The following KCNV1 variants were observed in gnomAD, a reference collection of about 807,000 sequenced individuals.
The protein encoded by KCNV1 is potassium voltage-gated channel modifier subfamily V member 1, also known as potassium voltage-gated channel subfamily V member 1.
In KCNV1, 2 loss-of-function variants were observed where a neutral mutation model predicts 36.4. The ratio of observed to expected loss-of-function variants is 0.05; its 90% CI spans 0.02 to 0.17. The LOEUF is 0.17. KCNV1 is among the 10% of genes least tolerant of loss of function. The pLI, the probability that KCNV1 is intolerant of heterozygous loss-of-function variation, is 1.00. For synonymous variants in KCNV1, 280 were observed against 261.1 expected, an observed-to-expected ratio of 1.07 and a Z score of -0.70; for missense variants, 321 against 643.6, an observed-to-expected ratio of 0.50 and a Z score of 5.42.
Position 109,972,488 on chromosome 8 carries a change from G to T in KCNV1, c.761C>A (p.Thr254Asn). The change falls in exon 3 of 4, where the codon ACC (threonine) becomes AAC (asparagine). Residue 254 changes from threonine to asparagine, a missense_variant. Thr to Asn is a moderately conservative substitution (Grantham distance 65). This residue lies in a region of KCNV1 where 141 missense variants were observed against 225.0 expected (regional missense o/e 0.63). Transcript: ENST00000524391. The surrounding 1 kb of genome is among the most constrained non-coding windows in gnomAD (Gnocchi z 5.2). Reference protein sequence around the residue: ...ILEYVCISWFTGEFVLRFLCV... With the variant: ...ILEYVCISWFNGEFVLRFLCV... ...CAGGAAGCGGAGGACAAACTCCCCG[G>T]TGAACCAGCTAATGCACACATACTC... 1 of 1,614,174 alleles carries T rather than the reference G, an allele frequency of 6.2e-7. No individual in the cohort carries two copies. The highest frequency in any genetic ancestry group is 1.1e-5 in the South Asian group (1 of 91,082).
At chr8:109,975,535 G>T (rs1229380203) in intron 1 of KCNV1, 84 bp downstream of exon 1, 1 of 152,304 alleles carries the variant, frequency 6.6e-6, no homozygotes, top group African/African-American at 2.4e-5. Flanking sequence ...GTGTACCCAC[G>T]GGGCCCCTGG....
In KCNV1 at chr8:109,967,067, G is replaced by A. The variant is rs1391238053; in HGVS notation, c.*1021C>T. The A allele has an allele frequency of 6.6e-6, 1 of 152,104 alleles. No homozygotes were observed. Among genetic ancestry groups the A allele is most frequent in the African/African-American group, 2.4e-5 (1 of 41,434 alleles). The allele number at this position is 152,104 out of a possible 1,614,324, so 9.4% of individuals were successfully genotyped here. A position where few individuals can be genotyped will look rare whatever the true frequency, so the allele number is the denominator to read the frequency against. On this transcript the variant is annotated 3_prime_UTR_variant, in exon 4 of 4. Coordinates refer to ENST00000524391, the MANE Select transcript of KCNV1 (RefSeq NM_014379.4). ...TGTCTAGGAATTGTGTTGTTATGAT[G>A]AATGTCAAAATGCCTGCAAAGTTTG...
Position 109,974,578 on chromosome 8 carries a change from GGGAGT to G in KCNV1, c.-195_-191del. ...TTCCTCCTCCTGCCGCTAGGGAGCCGGGAGTGCGCGGAAGCAGCGCACAAGTGGCA... is the reference window on the plus strand; with the variant it reads ...TTCCTCCTCCTGCCGCTAGGGAGCCGGCGCGGAAGCAGCGCACAAGTGGCA... On this transcript the variant is annotated 5_prime_UTR_variant, in exon 2 of 4. Coordinates refer to ENST00000524391, the MANE Select transcript of KCNV1 (RefSeq NM_014379.4). The surrounding 1 kb of genome is among the most constrained non-coding windows in gnomAD (Gnocchi z 6.2). The G allele has an allele frequency of 1.7e-6, 1 of 591,644 alleles. No individual in the cohort carries two copies. The highest frequency in any genetic ancestry group is 3.0e-6 in the Non-Finnish European group (1 of 334,702). 36.6% of individuals were successfully genotyped at this position (591,644 alleles called of 1,614,324 possible).
In KCNV1 at chr8:109,965,888, A is replaced by T. The variant is rs992053947; in HGVS notation, c.*2200T>A. On this transcript the variant is annotated 3_prime_UTR_variant, in exon 4 of 4. Transcript: ENST00000524391. The stretch of plus-strand genomic sequence containing the variant: ...GAGTGTCGTTTTCCGGGTCAGGCAG[A>T]TTGGTATTCAGCGCTGGCTCTGCCA... 2 of 152,200 alleles carry T rather than the reference A, an allele frequency of 1.3e-5. No homozygotes were observed. Among genetic ancestry groups the T allele is most frequent in the African/African-American group, 4.8e-5 (2 of 41,456 alleles). The allele number at this position is 152,200 out of a possible 1,614,324, so 9.4% of individuals were successfully genotyped here. A position where few individuals can be genotyped will look rare whatever the true frequency, so the allele number is the denominator to read the frequency against.
rs767747328 is a variant in KCNV1 at position 109,968,100 on chromosome 8, A to T, written c.1491T>A (p.Asp497Glu). 1.2e-6 allele frequency: 2 copies of T among 1,600,888 alleles called. No homozygotes were observed. Among genetic ancestry groups the T allele is most frequent in the Non-Finnish European group, 1.7e-6 (2 of 1,172,524 alleles). ...RASTRSSGGD[D>E]FWF is the part of the protein sequence containing the mutation. The stretch of plus-strand genomic sequence containing the variant: ...ATTGAAAATTAATTCAAAACCAGAA[A>T]TCATCTCCCCCGCTGCTCCTAGTAC... Residue 497 changes from aspartate to glutamate, a missense_variant, in exon 4 of 4, where the codon GAT becomes GAA. Physicochemically the swap from Asp to Glu is conservative, Grantham distance 45. This residue lies in a region of KCNV1 where 45 missense variants were observed against 76.8 expected (regional missense o/e 0.59). Transcript: ENST00000524391. This position sits in a 1 kb window ranked among gnomAD's most constrained non-coding sequence, Gnocchi z 5.3.
At chr8:109,969,957 T>C (rs1237242511) in intron 3 of KCNV1, among the ~76,000 whole-genome samples, 3 of 152,156 alleles carry the variant, frequency 2.0e-5, no homozygotes, top group Admixed American at 6.5e-5. Flanking sequence ...TTAAAGTTTG[T>C]CCACATTTTG....
At chr8:109,973,053 C>T (rs925209792) in intron 2 of KCNV1, among the ~76,000 whole-genome samples, 1 of 149,652 alleles carries the variant, frequency 6.7e-6, no homozygotes, top group African/African-American at 2.5e-5. Flanking sequence ...TCTCGGCTTA[C>T]TGTAGCCTCC....
Position 109,972,622 on chromosome 8 carries a change from G to A in KCNV1, c.627C>T (p.Ala209=), listed in dbSNP as rs368438853. Residue 209 remains alanine, a synonymous_variant, in exon 3 of 4, where the codon GCC becomes GCT. Transcript: ENST00000524391. The surrounding 1 kb of genome is among the most constrained non-coding windows in gnomAD (Gnocchi z 5.2). Reference sequence around the variant, plus strand: ...TAATGGAGATGACGCCAAAGATACGGGCAGCTGTGGAAGATCCAGGTTTCT... The same window carrying A: ...TAATGGAGATGACGCCAAAGATACGAGCAGCTGTGGAAGATCCAGGTTTCT... The part of the protein sequence containing the change: ...ILEKPGSSTA[A]RIFGVISIIF... 1 of 1,613,974 alleles carries A rather than the reference G, an allele frequency of 6.2e-7. No homozygotes were observed. Among genetic ancestry groups the A allele is most frequent in the African/African-American group, 1.3e-5 (1 of 74,892 alleles).
Position 109,974,270 on chromosome 8 carries a change from C to T in KCNV1, c.119G>A (p.Cys40Tyr). 2 of 1,552,052 alleles carry T rather than the reference C, an allele frequency of 1.3e-6. No individual in the cohort carries two copies. The highest frequency in any genetic ancestry group is 2.4e-5 in the East Asian group (1 of 41,396). ...GCTGCCGCCCACGTTGACCGTGAAG[C>T]AGTCCCCGAGCGCCAAGGGCTCCCC... ...GEGEPLALGDCFTVNVGGSRF... is the reference protein window; with the variant it reads ...GEGEPLALGDYFTVNVGGSRF... Residue 40 changes from cysteine (C) to tyrosine (Y), a missense_variant, in exon 2 of 4, where the codon TGC becomes TAC. Around this residue, in one of 5 missense-constraint regions of KCNV1, gnomAD observed 39 missense variants for 50.8 expected, o/e 0.77. Coordinates refer to ENST00000524391, the MANE Select transcript of KCNV1 (RefSeq NM_014379.4). The surrounding 1 kb of genome is among the most constrained non-coding windows in gnomAD (Gnocchi z 6.2).
In KCNV1 at chr8:109,964,259, C is replaced by T. The variant is rs1007582080; in HGVS notation, c.*3829G>A. Reference sequence around the variant, plus strand: ...GATATGAAAAAAAGCCTCAATATCACTGATCATTAGAGAAACGCAAATCAA... The same window carrying T: ...GATATGAAAAAAAGCCTCAATATCATTGATCATTAGAGAAACGCAAATCAA... On this transcript the variant is annotated 3_prime_UTR_variant, in exon 4 of 4. Coordinates refer to ENST00000524391, the MANE Select transcript of KCNV1 (RefSeq NM_014379.4). 5.9e-5 allele frequency: 9 copies of T among 151,862 alleles called. 1 individual carries two copies. Among genetic ancestry groups the T allele is most frequent in the Non-Finnish European group, 1.2e-4 (8 of 67,984 alleles). The allele number at this position is 151,862 out of a possible 1,614,324, so 9.4% of individuals were successfully genotyped here.
chr8:109,971,136 T>C (rs1445094386), intron 3 of KCNV1, among the ~76,000 whole-genome samples: 1 of 152,242 alleles, frequency 6.6e-6, no homozygotes, highest in African/African-American at 2.4e-5. Flanking sequence ...AGGATAGTGA[T>C]ATCTAGCCAA....
In KCNV1 at chr8:109,968,666, C is replaced by T. The variant is rs372723430; in HGVS notation, c.992-67G>A. The T allele has an allele frequency of 2.0e-6, 3 of 1,504,592 alleles. No individual in the cohort carries two copies. The highest frequency in any genetic ancestry group is 2.5e-5 in the South Asian group (2 of 78,490). The allele number at this position is 1,504,592 out of a possible 1,614,324, so 93.2% of individuals were successfully genotyped here. ...CTCTCTCTTCCTTCCCTCCCCTCCC[C>T]TCTCCCTCCTTGCTCTGCCACCCAC... On this transcript the variant is annotated intron_variant, in intron 3 of 3. Coordinates refer to ENST00000524391, the MANE Select transcript of KCNV1 (RefSeq NM_014379.4). This position sits in a 1 kb window ranked among gnomAD's most constrained non-coding sequence, Gnocchi z 5.3.
Position 109,968,165 on chromosome 8 carries a change from T to G in KCNV1, c.1426A>C (p.Ile476Leu). Residue 476 changes from isoleucine (I) to leucine (L), a missense_variant, in exon 4 of 4, where the codon ATC becomes CTC. Ile to Leu is a conservative substitution (Grantham distance 5). Coordinates refer to ENST00000524391, the MANE Select transcript of KCNV1 (RefSeq NM_014379.4). The surrounding 1 kb of genome is among the most constrained non-coding windows in gnomAD (Gnocchi z 5.3). Reference protein sequence around the residue: ...VNLRDVYARSIMEMLRLKGRE... With the variant: ...VNLRDVYARSLMEMLRLKGRE... ...CCTTTCAGTCGCAGCATCTCCATGATACTCCGGGCATAGACATCTCTCAAG... is the reference window on the plus strand; with the variant it reads ...CCTTTCAGTCGCAGCATCTCCATGAGACTCCGGGCATAGACATCTCTCAAG... 1 of 1,614,194 alleles carries G rather than the reference T, an allele frequency of 6.2e-7. No homozygotes were observed. The highest frequency in any genetic ancestry group is 8.5e-7 in the Non-Finnish European group (1 of 1,180,014).
Position 109,974,306 on chromosome 8 carries a change from C to A in KCNV1, c.83G>T (p.Ser28Ile), listed in dbSNP as rs1418396351. 10 of 1,544,682 alleles carry A rather than the reference C, an allele frequency of 6.5e-6. No individual in the cohort carries two copies. Among genetic ancestry groups the A allele is most frequent in the African/African-American group, 2.7e-5 (2 of 73,256 alleles). The change falls in exon 2 of 4, where the codon AGC becomes ATC. Residue 28 changes from serine to isoleucine, a missense_variant. Coordinates refer to ENST00000524391, the MANE Select transcript of KCNV1 (RefSeq NM_014379.4). This position sits in a 1 kb window ranked among gnomAD's most constrained non-coding sequence, Gnocchi z 6.2. ...CGCCAAGGGCTCCCCTTCACCCTCG[C>A]TGCAGAAGACACTAGAGTCCAGGGA... ...LTSLDSSVFC[S>I]EGEGEPLALG...
rs1424873013 is a variant in KCNV1, at chr8:109,972,586, C to T, written c.663G>A (p.Val221=). ...TCAGGGCCATGTTAATGATGGACAC[C>T]ACCACGAAGATAATGGAGATGACGC... is the stretch of plus-strand genomic sequence containing the variant. The part of the protein sequence containing the change: ...IFGVISIIFV[V]VSIINMALMS... Residue 221 remains valine (V), a synonymous_variant, in exon 3 of 4, where the codon GTG becomes GTA. Coordinates refer to ENST00000524391, the MANE Select transcript of KCNV1 (RefSeq NM_014379.4). The surrounding 1 kb of genome is among the most constrained non-coding windows in gnomAD (Gnocchi z 5.2). 3 of 1,614,140 alleles carry T rather than the reference C, an allele frequency of 1.9e-6. No individual in the cohort carries two copies. The highest frequency in any genetic ancestry group is 1.1e-5 in the South Asian group (1 of 91,072).
At chr8:109,970,957 A>G (rs1363733987) in intron 3 of KCNV1, among the ~76,000 whole-genome samples, 1 of 152,196 alleles carries the variant, frequency 6.6e-6, no homozygotes, top group African/African-American at 2.4e-5. Context: ...ATGTGAGACT[A>G]GCTAGGAAAA....
chr8:109,974,113 G>A lies in KCNV1; in HGVS notation c.276C>T (p.Asp92=), dbSNP rs752311853. 50 of 1,612,590 alleles carry A rather than the reference G, an allele frequency of 3.1e-5. No homozygotes were observed. The highest frequency in any genetic ancestry group is 8.5e-7 in the Non-Finnish European group (1 of 1,179,672). The part of the protein sequence containing the change: ...AAVPSPLELC[D]DANPVDNEYF... ...ACTCGTTGTCCACGGGGTTGGCATC[G>A]TCGCAAAGCTCCAGAGGGCTGGGCA... The change falls in exon 2 of 4, where the codon GAC becomes GAT. Residue 92 remains aspartate (D), a synonymous_variant. Transcript: ENST00000524391. This position sits in a 1 kb window ranked among gnomAD's most constrained non-coding sequence, Gnocchi z 6.2.
rs780544191 is a variant in KCNV1, at chr8:109,968,195, C to T, written c.1396G>A (p.Val466Ile). The change falls in exon 4 of 4, where the codon GTT (valine) becomes ATT (isoleucine). Residue 466 changes from valine (V) to isoleucine (I), a missense_variant. By Grantham distance (29) the Val-to-Ile change is conservative. Coordinates refer to ENST00000524391, the MANE Select transcript of KCNV1 (RefSeq NM_014379.4). The surrounding 1 kb of genome is among the most constrained non-coding windows in gnomAD (Gnocchi z 5.3). ...KNIATDSYISVNLRDVYARSI... is the reference protein window; with the variant it reads ...KNIATDSYISINLRDVYARSI... ...CGGGCATAGACATCTCTCAAGTTAACACTGATATATGAGTCAGTGGCTATA... is the reference window on the plus strand; with the variant it reads ...CGGGCATAGACATCTCTCAAGTTAATACTGATATATGAGTCAGTGGCTATA... 7.4e-6 allele frequency: 12 copies of T among 1,614,074 alleles called. No homozygotes were observed. The highest frequency in any genetic ancestry group is 2.7e-5 in the African/African-American group (2 of 74,928).
intron 3 of KCNV1, among the ~76,000 whole-genome samples, chr8:109,969,839 C>A (rs1289637860): frequency 6.8e-6 from 1 of 147,966 alleles, no homozygotes; most frequent in Admixed American, 6.7e-5. Flanking sequence ...AATGAGACTC[C>A]CTCTCAAAAA....
Sources: allele counts gnomAD v4.1 joint callset (sites outside exome capture counted in the v4.1 genomes callset), GRCh38; gene constraint gnomAD v4.1.1; regional missense constraint gnomAD v4.1.1; non-coding constraint Gnocchi (gnomAD v3.1); transcripts MANE v1.5; gene names NCBI Gene and HGNC (gene_info 2026-07-23, HGNC 2026-07-21).